FBN2: variants seen among roughly 807,000 people sequenced by gnomAD.
FBN2 encodes fibrillin-2.
In FBN2, 105 loss-of-function variants were observed where a neutral mutation model predicts 355.6. That is an observed-to-expected ratio of 0.30 (90% CI 0.25 to 0.35). The LOEUF (loss-of-function observed/expected upper bound fraction) is 0.35, where lower values mean the gene tolerates loss of function less well. FBN2 is among the 10% of genes least tolerant of loss of function. The pLI, the probability that FBN2 is intolerant of heterozygous loss-of-function variation, is 1.00. For synonymous variants in FBN2, 1,350 were observed against 1,301.2 expected (o/e 1.04, Z -0.81); for missense variants, 3,280 against 3,758.7 (o/e 0.87, Z 3.33).
intron 6 of FBN2, 89 bp from the exon 7 acceptor site, chr5:128,446,695 T>A: frequency 3.5e-6 from 5 of 1,409,568 alleles, no homozygotes; most frequent in Non-Finnish European, 4.9e-6. Flanking sequence ...ATATAAACAT[T>A]CTTCTAAGAA....
intron 56 of FBN2, 123 bp from the exon 57 acceptor site, chr5:128,278,964 T>A: frequency 1.3e-6 from 1 of 789,694 alleles, no homozygotes; most frequent in Non-Finnish European, 2.1e-6. Context: ...CTTAATGTCT[T>A]AATTATTTAA....
rs376596781 is a variant in FBN2, at chr5:128,392,091, A to G, written c.1530T>C (p.Cys510=). The part of the protein sequence containing the change: ...HHANLCLNGR[C]IPTVSSYRCE... ...ATCGGTAGCTTGAGACAGTTGGTAT[A>G]CAGCGTCCATTTAAACAAAGGTTAG... Residue 510 remains cysteine, a synonymous_variant, in exon 11 of 65, where the codon TGT becomes TGC. Transcript: ENST00000262464. The G allele has an allele frequency of 6.2e-7, 1 of 1,613,250 alleles. No homozygotes were observed. The highest frequency in any genetic ancestry group is 1.3e-5 in the African/African-American group (1 of 75,026).
chr5:128,349,260 C>T, intron 23 of FBN2, 87 bp downstream of exon 23: 1 of 1,507,302 alleles, frequency 6.6e-7, no homozygotes, highest in Non-Finnish European at 9.2e-7. Context: ...CAAGTACAAA[C>T]TCTTGTGGTT....
At position 128,376,624 on chromosome 5, in the gene FBN2, T is replaced by C. The variant is rs1752083957; in HGVS notation, c.1972+107A>G. 3 of 1,326,660 alleles carry C rather than the reference T, an allele frequency of 2.3e-6. No individual in the cohort carries two copies. In the South Asian group the frequency reaches 3.5e-5, roughly 16 times the overall value. The allele number at this position is 1,326,660 out of a possible 1,614,324, so 82.2% of individuals were successfully genotyped here. A position where few individuals can be genotyped will look rare whatever the true frequency, so the allele number is the denominator to read the frequency against. ...TTAGTGAATTAGCAAGAAATGTGAA[T>C]AATATGAAAGCCACATGGGGAAGCT... On this transcript the variant is annotated intron_variant, in intron 14 of 64. Coordinates refer to ENST00000262464, the MANE Select transcript of FBN2 (RefSeq NM_001999.4).
chr5:128,435,278 A>C (rs13166978), intron 7 of FBN2, among the ~76,000 whole-genome samples: 5,284 of 152,250 alleles, frequency 0.035, 122 homozygotes, highest in Non-Finnish European at 0.054. Flanking sequence ...CTCATGATAG[A>C]CTTGGGGTCA....
intron 47 of FBN2, among the ~76,000 whole-genome samples, 164 bp from the exon 48 acceptor site, chr5:128,301,100 A>G (rs572616564): frequency 3.2e-4 from 48 of 152,276 alleles, no homozygotes; most frequent in Admixed American, 1.7e-3. Flanking sequence ...CATCTTGGAT[A>G]TTTCTTATTT....
chr5:128,482,183 T>C (rs568659906), intron 5 of FBN2, among the ~76,000 whole-genome samples: 1 of 152,186 alleles, frequency 6.6e-6, no homozygotes, highest in South Asian at 2.1e-4. Flanking sequence ...AAAATGTGGA[T>C]ATTACCGGTT....
Position 128,376,870 on chromosome 5 carries a change from A to T in FBN2, c.1850-17T>A. 1 of 1,612,560 alleles carries T rather than the reference A, an allele frequency of 6.2e-7. No individual in the cohort carries two copies. The highest frequency in any genetic ancestry group is 8.5e-7 in the Non-Finnish European group (1 of 1,179,274). On this transcript the variant is annotated splice_polypyrimidine_tract_variant and intron_variant, in intron 13 of 64. Transcript: ENST00000262464. ...CATCATGATCTGCAGAAGAGGATTG[A>T]GTGACTTTGAACACTGGCCTTGAGG...
rs750984768 is a variant in FBN2 at position 128,278,656 on chromosome 5, C to T, written c.7324G>A (p.Gly2442Arg). 15 of 1,613,956 alleles carry T rather than the reference C, an allele frequency of 9.3e-6. No homozygotes were observed. The highest frequency in any genetic ancestry group is 1.3e-5 in the African/African-American group (1 of 74,978). Residue 2442 changes from glycine (G) to arginine (R), a missense_variant, in exon 57 of 65, where the codon GGA becomes AGA. Physicochemically the swap from Gly to Arg is moderately radical, Grantham distance 125. Around this residue, in one of 6 missense-constraint regions of FBN2, gnomAD observed 2,284 missense variants for 2,749.5 expected, o/e 0.83. Transcript: ENST00000262464. Reference sequence around the variant, plus strand: ...TTACCTCTTCCATCAGTTGTATATCCTGGGCCATGAGGACATATCTTTTTG... The same window carrying T: ...TTACCTCTTCCATCAGTTGTATATCTTGGGCCATGAGGACATATCTTTTTG... ...QYKKICPHGP[G>R]YTTDGRDIDE...
intron 27 of FBN2, 51 bp downstream of exon 27, chr5:128,337,946 G>A: frequency 1.2e-6 from 2 of 1,604,044 alleles, no homozygotes; most frequent in East Asian, 4.5e-5. Flanking sequence ...CTGATCCCTG[G>A]TCTTTACCAG....
At chr5:128,486,399 C>T (rs965779695) in intron 5 of FBN2, among the ~76,000 whole-genome samples, 7 of 152,104 alleles carry the variant, frequency 4.6e-5, no homozygotes, top group African/African-American at 1.7e-4. Context: ...ATATTAGTCA[C>T]CATTACCATA....
intron 9 of FBN2, among the ~76,000 whole-genome samples, chr5:128,394,670 T>C (rs1268442463): frequency 6.6e-6 from 1 of 152,194 alleles, no homozygotes; most frequent in East Asian, 1.9e-4. Context: ...AAATTAGATA[T>C]TATCAAAACT....
chr5:128,266,746 A>G (rs1028740522), intron 62 of FBN2, among the ~76,000 whole-genome samples: 1 of 152,066 alleles, frequency 6.6e-6, no homozygotes, highest in African/African-American at 2.4e-5. Context: ...TATGGAATTA[A>G]CCAACAAGTC....
chr5:128,456,601 C>T (rs1011618171), intron 6 of FBN2, among the ~76,000 whole-genome samples: 4 of 152,064 alleles, frequency 2.6e-5, no homozygotes, highest in Non-Finnish European at 5.9e-5. Context: ...CCCATCTCTG[C>T]GGCTCTCTAG....
intron 8 of FBN2, among the ~76,000 whole-genome samples, chr5:128,399,921 T>G (rs1451828218): frequency 6.6e-6 from 1 of 151,190 alleles, no homozygotes; most frequent in Non-Finnish European, 1.5e-5. Flanking sequence ...ACAAAAAAAG[T>G]AAGATAAGTA....
At position 128,310,077 on chromosome 5, in the gene FBN2, C is replaced by G. The variant is rs930817317; in HGVS notation, c.5106G>C (p.Val1702=). The G allele has an allele frequency of 1.2e-6, 2 of 1,613,228 alleles. No individual in the cohort carries two copies. Among genetic ancestry groups the G allele is most frequent in the African/African-American group, 1.3e-5 (1 of 74,864 alleles). ...DIDECFAHPG[V]CGPGTCYNTL... ...TGTTATAGCAGGTCCCAGGCCCACA[C>G]ACACCAGGATGTGCAAAACACTCAT... Residue 1702 remains valine, a synonymous_variant, in exon 40 of 65, where the codon GTG becomes GTC. Transcript: ENST00000262464.
At chr5:128,311,696 G>A (rs1462111685) in intron 38 of FBN2, among the ~76,000 whole-genome samples, 189 bp downstream of exon 38, 5 of 152,138 alleles carry the variant, frequency 3.3e-5, no homozygotes, top group African/African-American at 9.7e-5. Flanking sequence ...ACAGTCAGAC[G>A]TCAAATCACT....
chr5:128,516,375 T>C (rs1756280328), intron 5 of FBN2, among the ~76,000 whole-genome samples: 1 of 67,236 alleles, frequency 1.5e-5, no homozygotes. Context: ...ACAAGAACTC[T>C]TTTTTTTTTT....
chr5:128,311,136 C>T (rs928743720), intron 39 of FBN2, among the ~76,000 whole-genome samples, 164 bp downstream of exon 39: 1 of 151,678 alleles, frequency 6.6e-6, no homozygotes. Context: ...ATTAATTTGT[C>T]TATCATCATA....
Sources: gnomAD v4.1 joint callset for allele counts (sites outside exome capture counted in the v4.1 genomes callset) on GRCh38, gnomAD v4.1.1 for gene constraint, gnomAD v4.1.1 regional missense constraint, MANE v1.5 for transcripts, NCBI Gene and HGNC (gene_info 2026-07-23, HGNC 2026-07-21) for gene names.